PCCA: variants seen among roughly 807,000 people sequenced by gnomAD.
PCCA encodes the protein propionyl-CoA carboxylase alpha chain, mitochondrial.
A neutral mutation model predicts 101.3 loss-of-function variants in PCCA; 74 were observed. That is an observed-to-expected ratio of 0.73 (90% CI 0.61 to 0.89). The LOEUF is 0.89. Among genes scored for constraint, PCCA ranks in the 40% least tolerant of loss-of-function variants. The pLI, the probability that PCCA is intolerant of heterozygous loss-of-function variation, is 0.00. For missense variants in PCCA, 891 were observed against 907.0 expected (o/e 0.98, Z 0.23); for synonymous variants, 294 against 313.6 (o/e 0.94, Z 0.66).
At chr13:100,234,238 A>G (rs1044787245) in intron 7 of PCCA, among the ~76,000 whole-genome samples, 27 of 152,212 alleles carry the variant, frequency 1.8e-4, no homozygotes, top group African/African-American at 6.3e-4. Flanking sequence ...TGGCTGGAAC[A>G]AAGAACCTTC....
chr13:100,144,611 A>G (rs1036583714), intron 4 of PCCA, among the ~76,000 whole-genome samples: 1 of 152,206 alleles, frequency 6.6e-6, no homozygotes, highest in African/African-American at 2.4e-5. Context: ...TGATTTTTAA[A>G]TTAAAAATAC....
chr13:100,392,154 T>C (rs1326502422), intron 19 of PCCA, among the ~76,000 whole-genome samples: 2 of 152,124 alleles, frequency 1.3e-5, no homozygotes, highest in Non-Finnish European at 2.9e-5. Flanking sequence ...GTCACACTTC[T>C]TGTACTTCTC....
Position 100,478,538 on chromosome 13 carries a change from C to G in PCCA, c.1899+29233C>G, listed in dbSNP as rs556455514. 9.2e-5 allele frequency among the ~76,000 whole-genome samples: 14 copies of G among 152,310 alleles called. No individual in the cohort carries two copies. In the East Asian group the frequency reaches 2.7e-3, roughly 29 times the overall value. On this transcript the variant is annotated intron_variant, in intron 21 of 23. Coordinates refer to ENST00000376285, the MANE Select transcript of PCCA (RefSeq NM_000282.4). ...GTCCCCTCCCCCAGCACACTCTCAG[C>G]CTCTGACTTAGTTCTCATAGGAGGA... is the stretch of plus-strand genomic sequence containing the variant.
At chr13:100,322,824 C>G (rs1321543122) in intron 16 of PCCA, among the ~76,000 whole-genome samples, 1 of 152,144 alleles carries the variant, frequency 6.6e-6, no homozygotes, top group Admixed American at 6.5e-5. Flanking sequence ...CATCTCCCAC[C>G]TTGACTTCCC....
intron 19 of PCCA, among the ~76,000 whole-genome samples, chr13:100,422,618 G>A (rs1474136414): frequency 6.6e-6 from 1 of 152,074 alleles, no homozygotes; most frequent in African/African-American, 2.4e-5. Flanking sequence ...CTCCATATCT[G>A]TTGTCTTCTC....
At chr13:100,337,957 C>A (rs1413729714) in intron 17 of PCCA, among the ~76,000 whole-genome samples, 1 of 152,206 alleles carries the variant, frequency 6.6e-6, no homozygotes, top group South Asian at 2.1e-4. Flanking sequence ...ATTTGTCTTC[C>A]TGCACATGAC....
At chr13:100,279,773 C>T (rs962036974) in intron 12 of PCCA, among the ~76,000 whole-genome samples, 14 of 152,082 alleles carry the variant, frequency 9.2e-5, no homozygotes, top group Admixed American at 7.9e-4. Flanking sequence ...CGCGCCTGGC[C>T]CAAGTGTTCT....
intron 9 of PCCA, 144 bp from the exon 10 acceptor site, chr13:100,262,585 G>A: frequency 3.2e-6 from 2 of 631,328 alleles, no homozygotes; most frequent in South Asian, 2.0e-5. Flanking sequence ...TTCAGAATAA[G>A]CCAAAATAAA....
At chr13:100,273,919 T>C (rs2063473328) in intron 12 of PCCA, among the ~76,000 whole-genome samples, 1 of 152,206 alleles carries the variant, frequency 6.6e-6, no homozygotes, top group African/African-American at 2.4e-5. Flanking sequence ...CTTTATTTCC[T>C]TCCTTCTTCC....
At chr13:100,482,297 C>T (rs777556016) in intron 21 of PCCA, among the ~76,000 whole-genome samples, 9 of 151,972 alleles carry the variant, frequency 5.9e-5, no homozygotes, top group African/African-American at 1.9e-4. Context: ...GATGCAGAGT[C>T]GAGAGAGAAT....
At chr13:100,328,010 G>T (rs1297343294) in intron 16 of PCCA, among the ~76,000 whole-genome samples, 1 of 152,104 alleles carries the variant, frequency 6.6e-6, no homozygotes, top group South Asian at 2.1e-4. Context: ...GATCACTTGA[G>T]CCCAGGAGTT....
chr13:100,276,888 G>A (rs1010425158), intron 12 of PCCA, among the ~76,000 whole-genome samples: 1 of 152,150 alleles, frequency 6.6e-6, no homozygotes, highest in Non-Finnish European at 1.5e-5. Context: ...ATGACTACTT[G>A]TATTAACTGC....
At chr13:100,529,610 T>G (rs1452412358) in intron 23 of PCCA, among the ~76,000 whole-genome samples, 1 of 152,024 alleles carries the variant, frequency 6.6e-6, no homozygotes, top group Non-Finnish European at 1.5e-5. Flanking sequence ...AAAATGGAGG[T>G]CAGGCCAGGG....
At chr13:100,192,142 C>T (rs2057783677) in intron 6 of PCCA, among the ~76,000 whole-genome samples, 1 of 152,174 alleles carries the variant, frequency 6.6e-6, no homozygotes, top group Non-Finnish European at 1.5e-5. Context: ...ATTGCCACTT[C>T]ACATATGAAA....
At chr13:100,268,462 G>A (rs911937120) in intron 10 of PCCA, 2 of 588,026 alleles carry the variant, frequency 3.4e-6, no homozygotes, top group Non-Finnish European at 6.1e-6. Context: ...AAGGTGATAT[G>A]AACACTTTTT....
intron 6 of PCCA, among the ~76,000 whole-genome samples, chr13:100,160,128 T>C (rs1594446932): frequency 2.0e-5 from 3 of 152,318 alleles, no homozygotes. Context: ...CACCAAACTT[T>C]ACAAGACTGA....
At chr13:100,275,270 C>T (rs1366635402) in intron 12 of PCCA, among the ~76,000 whole-genome samples, 1 of 152,018 alleles carries the variant, frequency 6.6e-6, no homozygotes, top group Non-Finnish European at 1.5e-5. Context: ...TCCTGTGGGC[C>T]CTGGTTAGCC....
intron 9 of PCCA, among the ~76,000 whole-genome samples, chr13:100,261,208 ATGT>A (rs1247234115): frequency 4.6e-5 from 7 of 152,108 alleles, no homozygotes; most frequent in Non-Finnish European, 7.4e-5. Flanking sequence ...ATTGGCTTTA[ATGT>A]TGTACATTAA....
At chr13:100,358,822 T>A (rs1311300886) in intron 18 of PCCA, among the ~76,000 whole-genome samples, 1 of 152,168 alleles carries the variant, frequency 6.6e-6, no homozygotes, top group Non-Finnish European at 1.5e-5. Flanking sequence ...ACATGCTGTT[T>A]TTTAAAATGT....
Sources: gnomAD v4.1 joint callset for allele counts (sites outside exome capture counted in the v4.1 genomes callset) on GRCh38, gnomAD v4.1.1 for gene constraint, MANE v1.5 for transcripts, NCBI Gene and HGNC (gene_info 2026-07-23, HGNC 2026-07-21) for gene names.